The following ARMC2 variants were observed in gnomAD, a reference collection of about 807,000 sequenced individuals.
The protein encoded by ARMC2 is armadillo repeat-containing protein 2.
In ARMC2, 67 loss-of-function variants were observed where a neutral mutation model predicts 90.3. The observed-to-expected ratio is 0.74, with a 90% CI of 0.61 to 0.91. The LOEUF (loss-of-function observed/expected upper bound fraction) is 0.91. Among genes scored for constraint, ARMC2 ranks in the 40% least tolerant of loss-of-function variants. The pLI, the probability that ARMC2 is intolerant of heterozygous loss-of-function variation, is 0.00. For synonymous variants in ARMC2, 393 were observed against 393.0 expected (o/e 1.00, Z 0.00); for missense variants, 920 against 1,030.9 (o/e 0.89, Z 1.47).
intron 5 of ARMC2, chr6:108,880,183 T>C (rs1777384113): frequency 2.9e-6 from 1 of 344,238 alleles, no homozygotes; most frequent in Non-Finnish European, 5.6e-6. Context: ...CACTGCAGTA[T>C]AGGCTTGATT....
At chr6:108,926,322 G>A (rs1183686567) in intron 10 of ARMC2, among the ~76,000 whole-genome samples, 3 of 152,148 alleles carry the variant, frequency 2.0e-5, no homozygotes, top group African/African-American at 2.4e-5. Context: ...GTAGTGCTCC[G>A]GTGCCTGGGC....
chr6:108,874,093 T>C (rs1243606066), intron 4 of ARMC2, among the ~76,000 whole-genome samples: 1 of 152,220 alleles, frequency 6.6e-6, no homozygotes, highest in East Asian at 1.9e-4. Flanking sequence ...ACAAAATTCA[T>C]ATAATGTGCT....
intron 13 of ARMC2, among the ~76,000 whole-genome samples, chr6:108,956,159 C>A (rs1305938996): frequency 1.3e-5 from 2 of 152,206 alleles, no homozygotes; most frequent in African/African-American, 4.8e-5. Context: ...CTGACTGTGG[C>A]TGCCCAGGAA....
the ARMC2 span, chr6:109,000,233 G>T: frequency 1.7e-5 from 5 of 286,850 alleles, no homozygotes; most frequent in Non-Finnish European, 3.2e-5. Flanking sequence ...CGTGACATTA[G>T]GCATTTGTCA....
the ARMC2 span, among the ~76,000 whole-genome samples, chr6:109,029,758 C>T: frequency 6.6e-6 from 1 of 152,102 alleles, no homozygotes; most frequent in Non-Finnish European, 1.5e-5. Flanking sequence ...TCTTTATCTC[C>T]TTGCCTCAAA....
intron 15 of ARMC2, among the ~76,000 whole-genome samples, chr6:108,962,571 G>C (rs572185346): frequency 6.6e-6 from 1 of 152,340 alleles, no homozygotes; most frequent in South Asian, 2.1e-4. Context: ...GAGGATATAT[G>C]CAGAGGAATG....
rs1198052511 is a variant in ARMC2 at position 108,885,322 on chromosome 6, T to C, written c.671+8972T>C. On this transcript the variant is annotated intron_variant, in intron 5 of 17. Transcript: ENST00000392644. The stretch of plus-strand genomic sequence containing the variant: ...GAGGACTTTCTTAAAATTTTGATCT[T>C]ACAGACATCCCTTTAAAACCATGTC... Among the ~76,000 whole-genome samples, 5 of 152,250 alleles carry C rather than the reference T, an allele frequency of 3.3e-5. No homozygotes were observed. In the East Asian group the frequency reaches 9.6e-4, roughly 29 times the overall value.
intron 8 of ARMC2, among the ~76,000 whole-genome samples, chr6:108,905,660 T>A (rs1772610003): frequency 6.6e-6 from 1 of 152,194 alleles, no homozygotes; most frequent in Admixed American, 6.5e-5. Context: ...TTCAAATTAA[T>A]TATATATATG....
At chr6:108,987,382 C>T in the ARMC2 span, 24 of 526,172 alleles carry the variant, frequency 4.6e-5, no homozygotes, top group Non-Finnish European at 1.4e-5. Flanking sequence ...CTGCTTGTGC[C>T]AGCAGTGGTT....
chr6:108,994,698 CTTTT>C, the ARMC2 span: 1,574 of 290,962 alleles, frequency 5.4e-3, no homozygotes, highest in East Asian at 9.6e-3. Flanking sequence ...GAATTTATAT[CTTTT>C]TTTTTTTTTT....
chr6:108,957,242 C>T (rs1777655992), intron 13 of ARMC2, among the ~76,000 whole-genome samples: 1 of 152,174 alleles, frequency 6.6e-6, no homozygotes, highest in Admixed American at 6.5e-5. Context: ...CAAAAGTCAC[C>T]CCTGACAGGG....
At chr6:109,048,383 G>C in the ARMC2 span, among the ~76,000 whole-genome samples, 7 of 152,100 alleles carry the variant, frequency 4.6e-5, no homozygotes, top group Non-Finnish European at 8.8e-5. Flanking sequence ...TTGCACCGTG[G>C]GTTTAGTTAA....
At chr6:109,022,666 G>A in the ARMC2 span, among the ~76,000 whole-genome samples, 4 of 151,624 alleles carry the variant, frequency 2.6e-5, no homozygotes, top group Admixed American at 6.6e-5. Context: ...TGTCCGCCTC[G>A]GCCTCCCAAA....
At chr6:108,866,293 A>G (rs906917037) in intron 3 of ARMC2, among the ~76,000 whole-genome samples, 14 of 152,202 alleles carry the variant, frequency 9.2e-5, no homozygotes, top group African/African-American at 3.4e-4. Context: ...TATTAGCTTC[A>G]TGGCCTAAGT....
At chr6:108,901,276 G>C (rs186853012) in intron 7 of ARMC2, among the ~76,000 whole-genome samples, 59 of 151,542 alleles carry the variant, frequency 3.9e-4, no homozygotes, top group Non-Finnish European at 7.7e-4. Flanking sequence ...ACCATGCCTG[G>C]CTAATTTTTT....
chr6:109,036,473 G>A, the ARMC2 span, among the ~76,000 whole-genome samples: 10 of 152,132 alleles, frequency 6.6e-5, no homozygotes, highest in African/African-American at 9.7e-5. Flanking sequence ...CCAGGAGAAT[G>A]AAAAAGAAAC....
rs1583228096 is a variant in ARMC2 at position 108,965,249 on chromosome 6, C to G, written c.2446+109C>G. The G allele has an allele frequency of 1.9e-5, 18 of 949,278 alleles. No homozygotes were observed. In the East Asian group the frequency reaches 4.5e-4, roughly 24 times the overall value. The allele number at this position is 949,278 out of a possible 1,614,324, so 58.8% of individuals were successfully genotyped here. A position where few individuals can be genotyped will look rare whatever the true frequency, so the allele number is the denominator to read the frequency against. ...AGTATGCATTTAGGTGACTATATTT[C>G]TATAAGCAACAAGAGTATGTTAAAG... On this transcript the variant is annotated intron_variant, in intron 17 of 17. Transcript: ENST00000392644.
At chr6:108,900,371 G>A (rs1321355429) in intron 7 of ARMC2, among the ~76,000 whole-genome samples, 2 of 152,222 alleles carry the variant, frequency 1.3e-5, no homozygotes, top group African/African-American at 4.8e-5. Flanking sequence ...TAGGGAAAGC[G>A]TGTCATGGGA....
chr6:108,888,731 A>G (rs976006467), intron 5 of ARMC2, among the ~76,000 whole-genome samples: 4 of 151,998 alleles, frequency 2.6e-5, no homozygotes, highest in South Asian at 2.1e-4. Flanking sequence ...CTGCTATCCT[A>G]TTCCTCCATG....
Sources: allele counts gnomAD v4.1 joint callset (sites outside exome capture counted in the v4.1 genomes callset), GRCh38; gene constraint gnomAD v4.1.1; transcripts MANE v1.5; gene names NCBI Gene and HGNC (gene_info 2026-07-23, HGNC 2026-07-21).